Variants in NR3C2 observed in about 807,000 individuals in gnomAD.
The protein encoded by NR3C2 is nuclear receptor subfamily 3 group C member 2, also known as mineralocorticoid receptor.
NR3C2 carries 15 observed loss-of-function variants against 86.4 expected under a neutral mutation model. The observed-to-expected ratio is 0.17, with a 90% CI of 0.12 to 0.27. The LOEUF (loss-of-function observed/expected upper bound fraction) is 0.27, where lower values mean the gene tolerates loss of function less well. Ranked by LOEUF, NR3C2 falls within the 10% of genes least tolerant of loss-of-function variation. NR3C2 has a pLI of 1.00. For missense variants in NR3C2, 960 were observed against 1,195.6 expected (o/e 0.80, Z 2.91); for synonymous variants, 458 against 450.5 (o/e 1.02, Z -0.21).
chr4:148,354,096 C>T (rs1745434337), intron 2 of NR3C2, among the ~76,000 whole-genome samples: 1 of 152,084 alleles, frequency 6.6e-6, no homozygotes, highest in Non-Finnish European at 1.5e-5. Flanking sequence ...TGGGAATTCA[C>T]CTCTGCCACC....
At position 148,298,876 on chromosome 4, in the gene NR3C2, T is replaced by C. The variant is rs76093686; in HGVS notation, c.1758-38759A>G. 8.5e-3 allele frequency among the ~76,000 whole-genome samples: 1,288 copies of C among 152,312 alleles called. 36 individuals carry two copies. Among genetic ancestry groups the C allele is most frequent in the East Asian group, 0.052 (268 of 5,180 alleles). On this transcript the variant is annotated intron_variant, in intron 2 of 8. Coordinates refer to ENST00000358102, the MANE Select transcript of NR3C2 (RefSeq NM_000901.5). ...ACTTTTCTATTTAATTTACCATTGA[T>C]AGATGCAGGAGGAAGATAAGGGAAC...
intron 6 of NR3C2, among the ~76,000 whole-genome samples, chr4:148,123,219 ACT>A (rs1732594078): frequency 1.3e-5 from 2 of 151,620 alleles, no homozygotes; most frequent in East Asian, 1.9e-4. Flanking sequence ...ATGGGGAAAA[ACT>A]CTGCCCTGGT....
intron 3 of NR3C2, among the ~76,000 whole-genome samples, chr4:148,238,871 G>T (rs1016604474): frequency 6.6e-6 from 1 of 152,208 alleles, no homozygotes; most frequent in South Asian, 2.1e-4. Context: ...ACACACAGGA[G>T]TCAAGGAAGC....
chr4:148,122,823 C>A (rs974851098), intron 6 of NR3C2, among the ~76,000 whole-genome samples: 3 of 152,050 alleles, frequency 2.0e-5, no homozygotes, highest in Non-Finnish European at 2.9e-5. Flanking sequence ...CACCTCAGGA[C>A]CATGGTGAAA....
intron 3 of NR3C2, among the ~76,000 whole-genome samples, chr4:148,230,637 G>C (rs928179939): frequency 8.5e-5 from 13 of 152,092 alleles, no homozygotes; most frequent in Non-Finnish European, 1.6e-4. Context: ...AAAATTATAG[G>C]CAAAGCACCC....
intron 4 of NR3C2, among the ~76,000 whole-genome samples, chr4:148,163,091 G>A (rs946620103): frequency 2.0e-5 from 3 of 152,200 alleles, no homozygotes; most frequent in South Asian, 2.1e-4. Flanking sequence ...GATAAGATAC[G>A]AAGGGTTTAA....
intron 3 of NR3C2, among the ~76,000 whole-genome samples, chr4:148,248,843 G>T (rs988484908): frequency 6.6e-6 from 1 of 151,996 alleles, no homozygotes; most frequent in Admixed American, 6.6e-5. Context: ...ACTTAACAAA[G>T]AAAAACTCTT....
chr4:148,203,568 G>A (rs1340095480), intron 3 of NR3C2, among the ~76,000 whole-genome samples: 3 of 151,686 alleles, frequency 2.0e-5, no homozygotes, highest in Non-Finnish European at 2.9e-5. Flanking sequence ...GAACTGGTTC[G>A]AACAACCTGG....
intron 4 of NR3C2, among the ~76,000 whole-genome samples, chr4:148,184,135 T>A (rs1403492537): frequency 1.3e-5 from 2 of 152,020 alleles, no homozygotes; most frequent in African/African-American, 4.8e-5. Context: ...AGTTAATCCT[T>A]AGAACACCCT....
Position 148,080,732 on chromosome 4 carries a change from C to A in NR3C2, c.*612G>T, listed in dbSNP as rs1185485372. ...GGCATTTAACATCATCTTATCCATT[C>A]TAATTAAATAAGAAATGGACGCTAA... On this transcript the variant is annotated 3_prime_UTR_variant, in exon 9 of 9. Transcript: ENST00000358102. The A allele has an allele frequency of 3.0e-6, 1 of 337,816 alleles. No individual in the cohort carries two copies. The highest frequency in any genetic ancestry group is 7.7e-5 in the East Asian group (1 of 12,934). 20.9% of individuals were successfully genotyped at this position (337,816 alleles called of 1,614,324 possible).
At chr4:148,245,872 A>G (rs939717949) in intron 3 of NR3C2, among the ~76,000 whole-genome samples, 4 of 152,262 alleles carry the variant, frequency 2.6e-5, no homozygotes, top group Admixed American at 2.6e-4. Context: ...TCTACATTAC[A>G]TATGACAGAA....
chr4:148,111,074 C>T (rs146073990), intron 8 of NR3C2, among the ~76,000 whole-genome samples: 1 of 152,186 alleles, frequency 6.6e-6, no homozygotes, highest in Non-Finnish European at 1.5e-5. Context: ...GGAGAAAATA[C>T]TTACAGTCAT....
intron 2 of NR3C2, among the ~76,000 whole-genome samples, chr4:148,433,406 G>A (rs1328840756): frequency 2.0e-5 from 3 of 151,994 alleles, no homozygotes; most frequent in Admixed American, 1.3e-4. Context: ...ACTTTAACAA[G>A]TGCTTAAATA....
At chr4:148,120,104 T>C (rs1168815275) in intron 7 of NR3C2, 54 bp downstream of exon 7, 1 of 1,610,792 alleles carries the variant, frequency 6.2e-7, no homozygotes, top group Non-Finnish European at 8.5e-7. Context: ...TACTGCCCTA[T>C]GGGGAAGATG....
intron 2 of NR3C2, among the ~76,000 whole-genome samples, chr4:148,267,534 A>G (rs1740458436): frequency 6.6e-6 from 1 of 152,124 alleles, no homozygotes; most frequent in Non-Finnish European, 1.5e-5. Context: ...TAAGCAGAAG[A>G]AAGGGTTTTT....
chr4:148,123,714 A>G (rs905797812), intron 6 of NR3C2, among the ~76,000 whole-genome samples: 3 of 152,226 alleles, frequency 2.0e-5, no homozygotes, highest in Admixed American at 2.0e-4. Flanking sequence ...GGTTCCCCCG[A>G]TATCCCCTCT....
intron 4 of NR3C2, among the ~76,000 whole-genome samples, chr4:148,187,532 C>T (rs1051963331): frequency 3.3e-5 from 5 of 151,126 alleles, no homozygotes; most frequent in African/African-American, 1.2e-4. Context: ...ATGTCCTTAG[C>T]CCATTTTTGG....
At chr4:148,292,832 A>G (rs1741859980) in intron 2 of NR3C2, among the ~76,000 whole-genome samples, 1 of 152,180 alleles carries the variant, frequency 6.6e-6, no homozygotes, top group Admixed American at 6.6e-5. Context: ...ATGAGAGGTT[A>G]AAGTCTATAG....
intron 2 of NR3C2, among the ~76,000 whole-genome samples, chr4:148,396,399 C>A (rs1346083423): frequency 6.6e-6 from 1 of 152,164 alleles, no homozygotes; most frequent in African/African-American, 2.4e-5. Flanking sequence ...AATTTATATC[C>A]AACCATTCTG....
Sources: allele counts gnomAD v4.1 joint callset (sites outside exome capture counted in the v4.1 genomes callset), GRCh38; gene constraint gnomAD v4.1.1; transcripts MANE v1.5; gene names NCBI Gene and HGNC (gene_info 2026-07-23, HGNC 2026-07-21).